NCALD: variants seen among roughly 807,000 people sequenced by gnomAD.
NCALD encodes the protein neurocalcin-delta.
NCALD carries 10 observed loss-of-function variants against 18.6 expected under a neutral mutation model. The ratio of observed to expected loss-of-function variants is 0.54; its 90% CI spans 0.33 to 0.91. The LOEUF (loss-of-function observed/expected upper bound fraction) is 0.91. Ranked by LOEUF, NCALD falls within the 40% of genes least tolerant of loss-of-function variation. The probability of loss-of-function intolerance (pLI) is 0.03; values close to 1 mark genes in which losing one functional copy is unlikely to be tolerated. For synonymous variants in NCALD, 88 were observed against 87.4 expected (o/e 1.01, Z -0.04); for missense variants, 184 against 247.6 (o/e 0.74, Z 1.72).
intron 3 of NCALD, among the ~76,000 whole-genome samples, chr8:101,895,917 A>G (rs1374510248): frequency 7.3e-5 from 11 of 150,436 alleles, no homozygotes; most frequent in Non-Finnish European, 1.5e-4. Context: ...AAGAATCAAT[A>G]TCGTGAAAAT....
intron 1 of NCALD, among the ~76,000 whole-genome samples, chr8:101,774,896 T>C (rs1013610411): frequency 3.9e-5 from 6 of 152,198 alleles, no homozygotes; most frequent in African/African-American, 1.4e-4. Context: ...CTCTGCCCTT[T>C]AGACTTGTCA....
intron 1 of NCALD, among the ~76,000 whole-genome samples, chr8:101,775,767 C>T (rs112780220): frequency 0.027 from 4,174 of 152,172 alleles, 94 homozygotes; most frequent in Middle Eastern, 0.048. Flanking sequence ...TCCTGGTGTC[C>T]CTAGTCTTGA....
chr8:101,850,086 T>C (rs1042196994), intron 4 of NCALD, among the ~76,000 whole-genome samples: 7 of 152,184 alleles, frequency 4.6e-5, no homozygotes, highest in Non-Finnish European at 4.4e-5. Flanking sequence ...CTGCCGGGTG[T>C]TATCCAGAAA....
intron 4 of NCALD, among the ~76,000 whole-genome samples, chr8:101,877,322 C>T (rs189967684): frequency 3.0e-4 from 45 of 152,300 alleles, no homozygotes; most frequent in Non-Finnish European, 4.4e-4. Flanking sequence ...GGGTGAGCTG[C>T]TAACTAATGA....
Position 102,074,153 on chromosome 8 carries a change from T to A in NCALD, c.-210+50084A>T, listed in dbSNP as rs201877969. Among the ~76,000 whole-genome samples, 28 of 152,230 alleles carry A rather than the reference T, an allele frequency of 1.8e-4. No homozygotes were observed. In the East Asian group the frequency reaches 4.3e-3, roughly 23 times the overall value. On this transcript the variant is annotated intron_variant, in intron 1 of 6. Coordinates refer to the NCALD transcript ENST00000311028. ...AGTCCTCAGGTGTCTAGCACTGAAG[T>A]GGCAAAGGAGAAACAAGGTTTGAAA...
At chr8:101,958,236 C>G (rs185537250) in intron 2 of NCALD, among the ~76,000 whole-genome samples, 2 of 152,182 alleles carry the variant, frequency 1.3e-5, no homozygotes, top group Admixed American at 1.3e-4. Context: ...CACTTGTAAT[C>G]GACATGTTTT....
chr8:102,025,768 C>T (rs556548633), intron 1 of NCALD, among the ~76,000 whole-genome samples: 3 of 152,276 alleles, frequency 2.0e-5, no homozygotes, highest in African/African-American at 7.2e-5. Context: ...AGAGGAGGAA[C>T]GTATGTCTAC....
chr8:102,007,202 C>T (rs374250687), intron 2 of NCALD, among the ~76,000 whole-genome samples: 14 of 152,194 alleles, frequency 9.2e-5, no homozygotes, highest in East Asian at 7.7e-4. Context: ...TAGCTTGGTT[C>T]GTATTACTAT....
chr8:101,763,966 C>CTCTCTCT (rs1491550100), intron 1 of NCALD, among the ~76,000 whole-genome samples: 89 of 85,284 alleles, frequency 1.0e-3, no homozygotes, highest in Middle Eastern at 0.013. Context: ...CTCTCTCTCT[C>CTCTCTCT]CACACACACA....
intron 1 of NCALD, among the ~76,000 whole-genome samples, chr8:101,781,028 C>T (rs1049327563): frequency 2.0e-5 from 3 of 152,012 alleles, no homozygotes; most frequent in Non-Finnish European, 4.4e-5. Flanking sequence ...AGTAACAGAT[C>T]GACCTTTAAA....
intron 1 of NCALD, among the ~76,000 whole-genome samples, chr8:102,075,380 T>C (rs894432539): frequency 1.4e-4 from 22 of 152,170 alleles, no homozygotes; most frequent in African/African-American, 5.3e-4. Flanking sequence ...CTCATTGAAA[T>C]CTTCTCTCAT....
intron 1 of NCALD, among the ~76,000 whole-genome samples, chr8:102,033,750 G>T (rs1426304610): frequency 6.6e-6 from 1 of 152,106 alleles, no homozygotes; most frequent in African/African-American, 2.4e-5. Flanking sequence ...TCTCTGGGGT[G>T]CCTTATTACT....
intron 1 of NCALD, among the ~76,000 whole-genome samples, chr8:102,026,969 C>G (rs1822480809): frequency 6.6e-6 from 1 of 152,222 alleles, no homozygotes; most frequent in East Asian, 1.9e-4. Flanking sequence ...ACAGTCTGAG[C>G]TGTACGTTGG....
At chr8:101,833,621 T>TTTG (rs1554642529) in intron 4 of NCALD, among the ~76,000 whole-genome samples, 1 of 148,410 alleles carries the variant, frequency 6.7e-6, no homozygotes, top group African/African-American at 2.5e-5. Context: ...TTTTTTTTTT[T>TTTG]TTTTTTTTTT....
At chr8:102,025,384 G>A (rs936692545) in intron 1 of NCALD, among the ~76,000 whole-genome samples, 2 of 152,028 alleles carry the variant, frequency 1.3e-5, no homozygotes, top group African/African-American at 2.4e-5. Flanking sequence ...TAATATTGAG[G>A]TTATGACTTC....
chr8:101,783,440 T>C (rs1329128052), intron 1 of NCALD, among the ~76,000 whole-genome samples: 1 of 152,184 alleles, frequency 6.6e-6, no homozygotes, highest in African/African-American at 2.4e-5. Flanking sequence ...TTTTGTTGAA[T>C]TAGCTAAATT....
At chr8:101,901,222 C>T (rs1340275238) in intron 3 of NCALD, among the ~76,000 whole-genome samples, 2 of 150,442 alleles carry the variant, frequency 1.3e-5, no homozygotes, top group Admixed American at 6.6e-5. Context: ...TAATTTTTAC[C>T]CTCCTATATT....
At chr8:102,075,375 T>G (rs748139766) in intron 1 of NCALD, among the ~76,000 whole-genome samples, 2 of 152,180 alleles carry the variant, frequency 1.3e-5, no homozygotes, top group Non-Finnish European at 2.9e-5. Flanking sequence ...CAGCTCTCAT[T>G]GAAATCTTCT....
chr8:101,736,942 T>C (rs1337210668), intron 1 of NCALD, among the ~76,000 whole-genome samples: 2 of 152,220 alleles, frequency 1.3e-5, no homozygotes, highest in Non-Finnish European at 2.9e-5. Flanking sequence ...GCATTAATTC[T>C]TTCTTACCCA....
Sources: allele counts gnomAD v4.1 joint callset (sites outside exome capture counted in the v4.1 genomes callset), GRCh38; gene constraint gnomAD v4.1.1; transcripts MANE v1.5; gene names NCBI Gene and HGNC (gene_info 2026-07-23, HGNC 2026-07-21).